The following ERMP1 variants were observed in gnomAD, a reference collection of about 807,000 sequenced individuals.
ERMP1 encodes Felix-ina.
ERMP1 carries 86 observed loss-of-function variants against 92.0 expected under a neutral mutation model. That is an observed-to-expected ratio of 0.93 (90% confidence interval 0.79 to 1.12). The LOEUF is 1.12. ERMP1 is among the 50% of genes most tolerant of loss of function. The probability of loss-of-function intolerance (pLI) is 0.00; values close to 1 mark genes in which losing one functional copy is unlikely to be tolerated. For missense variants in ERMP1, 1,342 were observed against 1,116.3 expected (o/e 1.20, Z -2.88); for synonymous variants, 530 against 412.8 (o/e 1.28, Z -3.44).
chr9:5,827,098 T>G (rs1371754502), intron 2 of ERMP1, among the ~76,000 whole-genome samples: 1 of 152,002 alleles, frequency 6.6e-6, no homozygotes, highest in African/African-American at 2.4e-5. Flanking sequence ...CACAGCAAAC[T>G]CAAGAAGATA....
Position 5,842,979 on chromosome 9 carries a change from C to T in ERMP1, n.3200-9667G>A, listed in dbSNP as rs115500667. On this transcript the variant is annotated intron_variant and non_coding_transcript_variant, in intron 6 of 6. Coordinates refer to the ERMP1 transcript ENST00000690753. ...AGAGATAAGGCTAATCTTTAAGAAG[C>T]TCCACAAAGTTGTGAGCCCAAATTA... Among the ~76,000 whole-genome samples, 561 of 152,318 alleles carry T rather than the reference C, an allele frequency of 3.7e-3. 3 individuals carry two copies. Among genetic ancestry groups the T allele is most frequent in the African/African-American group, 0.013 (535 of 41,574 alleles).
intron 5 of ERMP1, among the ~76,000 whole-genome samples, chr9:5,861,411 T>TG (rs1405258628): frequency 6.6e-6 from 1 of 151,230 alleles, no homozygotes; most frequent in African/African-American, 2.5e-5. Context: ...TCATACTTGC[T>TG]GGGTTTTTTT....
upstream of ERMP1, among the ~76,000 whole-genome samples, chr9:5,837,821 T>C (rs1280369284): frequency 6.6e-6 from 1 of 152,202 alleles, no homozygotes; most frequent in Non-Finnish European, 1.5e-5. Flanking sequence ...AAGCATTTTT[T>C]CACTGGGCAC....
intron 9 of ERMP1, 109 bp from the exon 10 acceptor site, chr9:5,805,326 G>T: frequency 1.2e-6 from 1 of 827,126 alleles, no homozygotes; most frequent in Non-Finnish European, 1.9e-6. Flanking sequence ...GGTTAGATGT[G>T]ACTCTTGCCC....
At position 5,786,745 on chromosome 9, in the gene ERMP1, T is replaced by TA. The variant is rs1827954694; in HGVS notation, c.*398dup. 6.0e-6 allele frequency: 1 copy of TA among 167,242 alleles called. No individual in the cohort carries two copies. The highest frequency in any genetic ancestry group is 1.3e-5 in the Non-Finnish European group (1 of 76,602). 10.4% of individuals were successfully genotyped at this position (167,242 alleles called of 1,614,324 possible). ...TGATATTTTACCCACCATCCACTAA[T>TA]ACAACAAATGGTTTTGGGGCTTAAA... On this transcript the variant is annotated 3_prime_UTR_variant, in exon 15 of 15. Transcript: ENST00000339450.
At chr9:5,828,244 A>G (rs1474793763) in intron 2 of ERMP1, among the ~76,000 whole-genome samples, 4 of 152,222 alleles carry the variant, frequency 2.6e-5, no homozygotes, top group African/African-American at 9.6e-5. Flanking sequence ...CTATGTTTGT[A>G]AAGAGTAACT....
chr9:5,848,049 C>T (rs1471092953), intron 6 of ERMP1, among the ~76,000 whole-genome samples: 1 of 152,104 alleles, frequency 6.6e-6, no homozygotes, highest in Non-Finnish European at 1.5e-5. Context: ...CATACAGACA[C>T]TAAATGGCTG....
At chr9:5,845,708 T>C (rs1830226297) in intron 6 of ERMP1, among the ~76,000 whole-genome samples, 1 of 152,192 alleles carries the variant, frequency 6.6e-6, no homozygotes, top group Non-Finnish European at 1.5e-5. Context: ...AGAGAGGTTG[T>C]AGGGTGCCCT....
intron 6 of ERMP1, among the ~76,000 whole-genome samples, chr9:5,838,175 T>C (rs949735571): frequency 6.6e-6 from 1 of 152,190 alleles, no homozygotes; most frequent in East Asian, 1.9e-4. Flanking sequence ...GGCACTTTTG[T>C]GTGATGCTGG....
At chr9:5,825,048 C>A (rs765906961) in intron 3 of ERMP1, 44 bp downstream of exon 3, 1 of 1,584,324 alleles carries the variant, frequency 6.3e-7, no homozygotes, top group Non-Finnish European at 8.7e-7. Context: ...TATTATTAAT[C>A]TCATCCTTAT....
At position 5,801,213 on chromosome 9, in the gene ERMP1, T is replaced by G. The variant is rs199887119; in HGVS notation, c.2030A>C (p.Asn677Thr). The G allele has an allele frequency of 3.7e-6, 6 of 1,613,736 alleles. No homozygotes were observed. Among genetic ancestry groups the G allele is most frequent in the Non-Finnish European group, 5.1e-6 (6 of 1,179,840 alleles). ...CSGTFFPYSS[N>T]PANPKPKRVF... is the part of the protein sequence containing the mutation. ...TCTCTTTGGCTTCGGATTAGCAGGATTGGAGCTATATGGAAAAAATGTTCC... is the reference window on the plus strand; with the variant it reads ...TCTCTTTGGCTTCGGATTAGCAGGAGTGGAGCTATATGGAAAAAATGTTCC... Residue 677 changes from asparagine (N) to threonine (T), a missense_variant, in exon 11 of 15, where the codon AAT (asparagine) becomes ACT (threonine). Transcript: ENST00000339450.
chr9:5,813,092 C>T, intron 4 of ERMP1, 57 bp from the exon 5 acceptor site: 2 of 1,586,516 alleles, frequency 1.3e-6, no homozygotes, highest in Admixed American at 1.7e-5. Flanking sequence ...TTTTAACATA[C>T]TAATGTTTTT....
intron 6 of ERMP1, among the ~76,000 whole-genome samples, chr9:5,856,870 A>C (rs532729297): frequency 6.6e-6 from 1 of 152,182 alleles, no homozygotes; most frequent in Non-Finnish European, 1.5e-5. Context: ...AAACGTATAC[A>C]TGGAATTTTC....
chr9:5,848,812 T>C (rs1830270413), intron 6 of ERMP1, among the ~76,000 whole-genome samples: 1 of 152,090 alleles, frequency 6.6e-6, no homozygotes, highest in Admixed American at 6.5e-5. Context: ...GTGAGGCTAG[T>C]TGAATATCAC....
intron 9 of ERMP1, 133 bp downstream of exon 9, chr9:5,805,478 G>A: frequency 1.4e-6 from 1 of 720,398 alleles, no homozygotes; most frequent in South Asian, 2.4e-5. Context: ...AAGATAATTT[G>A]TGTGGTATGA....
chr9:5,788,039 C>G (rs964862389), intron 13 of ERMP1, among the ~76,000 whole-genome samples: 4 of 152,174 alleles, frequency 2.6e-5, no homozygotes, highest in African/African-American at 7.2e-5. Flanking sequence ...TTTTTCCCTT[C>G]AAGCTGGAAA....
At chr9:5,855,832 C>G (rs1830366771) in intron 6 of ERMP1, 1 of 179,536 alleles carries the variant, frequency 5.6e-6, no homozygotes, top group African/African-American at 2.4e-5. Flanking sequence ...AATATGTAGA[C>G]TTAGGGCCAG....
intron 5 of ERMP1, 104 bp downstream of exon 5, chr9:5,812,785 A>T (rs574967553): frequency 2.5e-5 from 32 of 1,272,302 alleles, no homozygotes; most frequent in Non-Finnish European, 3.7e-5. Context: ...TCACATAAAG[A>T]ATTTGATCTC....
intron 4 of ERMP1, among the ~76,000 whole-genome samples, chr9:5,821,640 G>T (rs1829538930): frequency 6.6e-6 from 1 of 152,196 alleles, no homozygotes; most frequent in East Asian, 1.9e-4. Flanking sequence ...AAATACTTAT[G>T]CATTAATATA....
Sources: allele counts gnomAD v4.1 joint callset (sites outside exome capture counted in the v4.1 genomes callset), GRCh38; gene constraint gnomAD v4.1.1; transcripts MANE v1.5; gene names NCBI Gene and HGNC (gene_info 2026-07-23, HGNC 2026-07-21).